Variants in MED13L observed in about 807,000 individuals in gnomAD.
The protein encoded by MED13L is mediator complex subunit 13L.
A neutral mutation model predicts 220.9 loss-of-function variants in MED13L; 7 were observed. The ratio of observed to expected loss-of-function variants is 0.03; its 90% CI spans 0.02 to 0.06. The LOEUF (loss-of-function observed/expected upper bound fraction) is 0.06. Among genes scored for constraint, MED13L ranks in the 10% least tolerant of loss-of-function variants. The pLI, the probability that MED13L is intolerant of heterozygous loss-of-function variation, is 1.00. For missense variants in MED13L, 1,965 were observed against 2,760.5 expected, an observed-to-expected ratio of 0.71 and a Z score of 6.46; for synonymous variants, 1,011 against 1,015.2, an observed-to-expected ratio of 1.00 and a Z score of 0.08.
rs150626023 is a variant in MED13L at position 116,054,859 on chromosome 12, T to C, written c.480-32258A>G. On this transcript the variant is annotated intron_variant, in intron 4 of 30. Coordinates refer to ENST00000281928, the MANE Select transcript of MED13L (RefSeq NM_015335.5). ...TTTCAATATTCCACTCCTAGGTATATACCCAATAGAAAATATGTGCCAGAA... is the reference window on the plus strand; with the variant it reads ...TTTCAATATTCCACTCCTAGGTATACACCCAATAGAAAATATGTGCCAGAA... 1.2e-4 allele frequency among the ~76,000 whole-genome samples: 18 copies of C among 152,312 alleles called. No homozygotes were observed. In the East Asian group the frequency reaches 2.7e-3, roughly 23 times the overall value.
intron 2 of MED13L, among the ~76,000 whole-genome samples, chr12:116,117,071 T>A (rs1874586281): frequency 6.6e-6 from 1 of 151,570 alleles, no homozygotes; most frequent in African/African-American, 2.4e-5. Flanking sequence ...CTCTCAACAG[T>A]GGGAAAAACA....
At chr12:116,143,134 T>C (rs755877201) in intron 2 of MED13L, among the ~76,000 whole-genome samples, 12 of 152,180 alleles carry the variant, frequency 7.9e-5, no homozygotes, top group South Asian at 2.1e-4. Context: ...ATTTGGTTTA[T>C]TTTCTTTACT....
At chr12:116,238,138 C>T (rs1174759664) in intron 1 of MED13L, among the ~76,000 whole-genome samples, 2 of 152,146 alleles carry the variant, frequency 1.3e-5, no homozygotes, top group Admixed American at 6.5e-5. Context: ...CCACAAGCCA[C>T]AGTTTAAGTC....
rs778974764 is a variant in MED13L, at chr12:116,019,842, T to C, written c.756A>G (p.Glu252=). ...FYPMVLKKKE[E]SKEEDELGYD... ...ATCCCAACTCGTCTTCCTCTTTCGA[T>C]TCTTCTTTCTTTTTTAGCACCATCG... The change falls in exon 6 of 31, where the codon GAA becomes GAG. Residue 252 remains glutamate (E), a synonymous_variant. Coordinates refer to ENST00000281928, the MANE Select transcript of MED13L (RefSeq NM_015335.5). 2.5e-6 allele frequency: 4 copies of C among 1,613,974 alleles called. No homozygotes were observed. The highest frequency in any genetic ancestry group is 3.4e-6 in the Non-Finnish European group (4 of 1,179,912).
At chr12:116,243,738 G>T (rs2138487786) in intron 1 of MED13L, among the ~76,000 whole-genome samples, 1 of 152,216 alleles carries the variant, frequency 6.6e-6, no homozygotes, top group South Asian at 2.1e-4. Flanking sequence ...CCATGGTGTA[G>T]TATCATGGAA....
At chr12:116,009,158 C>G in intron 9 of MED13L, 26 bp from the exon 10 acceptor site, 4 of 1,612,870 alleles carry the variant, frequency 2.5e-6, no homozygotes, top group Non-Finnish European at 3.4e-6. Flanking sequence ...ACAATTACAT[C>G]ATTATAACAT....
intron 3 of MED13L, among the ~76,000 whole-genome samples, chr12:116,106,052 A>C (rs1310770593): frequency 1.3e-5 from 2 of 152,196 alleles, no homozygotes; most frequent in Non-Finnish European, 2.9e-5. Context: ...TGAGTTGTGG[A>C]GGGAAGAGGA....
intron 1 of MED13L, among the ~76,000 whole-genome samples, chr12:116,276,203 G>C (rs1361623735): frequency 6.6e-6 from 1 of 152,064 alleles, no homozygotes; most frequent in African/African-American, 2.4e-5. Context: ...ATTAAGGCAG[G>C]CGATTCAAAT....
Position 116,124,920 on chromosome 12 carries a change from A to G in MED13L, c.311-13408T>C, listed in dbSNP as rs1196286684. ...AGTTGACAGGAAAAAAATATTTGTC[A>G]TAAATTGAAAGATCATAGTTAAACC... On this transcript the variant is annotated intron_variant, in intron 2 of 30. Transcript: ENST00000281928. Among the ~76,000 whole-genome samples, 7 of 152,344 alleles carry G rather than the reference A, an allele frequency of 4.6e-5. No individual in the cohort carries two copies. The East Asian group carries it at 1.3e-3, about 29-fold the overall frequency.
At chr12:116,029,642 A>T (rs1880607341) in intron 4 of MED13L, among the ~76,000 whole-genome samples, 1 of 152,220 alleles carries the variant, frequency 6.6e-6, no homozygotes, top group East Asian at 1.9e-4. Context: ...TTTAAAACTT[A>T]AGTTCATCAA....
intron 3 of MED13L, 53 bp downstream of exon 3, chr12:116,111,375 C>T: frequency 1.4e-6 from 2 of 1,404,890 alleles, no homozygotes; most frequent in Non-Finnish European, 2.0e-6. Flanking sequence ...CTCTCGGTAT[C>T]TAGCAATATA....
At chr12:115,976,514 G>A (rs980768039) in intron 23 of MED13L, among the ~76,000 whole-genome samples, 1 of 152,106 alleles carries the variant, frequency 6.6e-6, no homozygotes, top group African/African-American at 2.4e-5. Context: ...CCACAAGAGG[G>A]GCTCTGGATA....
Position 116,237,553 on chromosome 12 carries a change from A to T in MED13L, c.225T>A (p.Asp75Glu). ...ATAACTCTTTGCAATCTGGTTTGAC[A>T]TCACGACGCCATACACAAAGCAGGT... ...QANLLCVWRR[D>E]VKPDCKELWI... Residue 75 changes from aspartate to glutamate, a missense_variant, in exon 2 of 31, where the codon GAT (aspartate) becomes GAA (glutamate). Transcript: ENST00000281928. 1 of 1,614,212 alleles carries T rather than the reference A, an allele frequency of 6.2e-7. No individual in the cohort carries two copies. The highest frequency in any genetic ancestry group is 8.5e-7 in the Non-Finnish European group (1 of 1,180,026).
chr12:116,246,157 G>A (rs944310431), intron 1 of MED13L, among the ~76,000 whole-genome samples: 6 of 150,866 alleles, frequency 4.0e-5, no homozygotes, highest in Non-Finnish European at 8.8e-5. Flanking sequence ...GGCTATGCCA[G>A]CCTAAACTTT....
intron 3 of MED13L, among the ~76,000 whole-genome samples, chr12:116,104,360 A>G (rs568690720): frequency 1.1e-4 from 16 of 152,192 alleles, no homozygotes; most frequent in Admixed American, 3.3e-4. Flanking sequence ...TTACAATATC[A>G]CAACACATTG....
intron 8 of MED13L, 88 bp downstream of exon 8, chr12:116,015,021 C>T: frequency 3.0e-6 from 4 of 1,343,794 alleles, no homozygotes; most frequent in Non-Finnish European, 4.3e-6. Context: ...TTTGGTCACA[C>T]AATAGTGCAA....
At chr12:116,148,970 C>G (rs1186359989) in intron 2 of MED13L, among the ~76,000 whole-genome samples, 1 of 152,154 alleles carries the variant, frequency 6.6e-6, no homozygotes, top group Non-Finnish European at 1.5e-5. Context: ...TATAACTGTA[C>G]TATTTTTGTC....
Position 116,051,171 on chromosome 12 carries a change from A to T in MED13L, c.480-28570T>A, listed in dbSNP as rs370295505. 1.1e-4 allele frequency among the ~76,000 whole-genome samples: 16 copies of T among 152,278 alleles called. No homozygotes were observed. The South Asian group carries it at 3.3e-3, about 32-fold the overall frequency. On this transcript the variant is annotated intron_variant, in intron 4 of 30. Transcript: ENST00000281928. ...TTCCACAGCATTAAAATGTTAAAGA[A>T]TATTATATAGCATTTTAATAAAACA...
chr12:116,246,020 T>A (rs565459000), intron 1 of MED13L, among the ~76,000 whole-genome samples: 1 of 152,188 alleles, frequency 6.6e-6, no homozygotes, highest in East Asian at 1.9e-4. Context: ...AGTTTCCATA[T>A]AATAAAAAGA....
Sources: allele counts gnomAD v4.1 joint callset (sites outside exome capture counted in the v4.1 genomes callset), GRCh38; gene constraint gnomAD v4.1.1; transcripts MANE v1.5; gene names NCBI Gene and HGNC (gene_info 2026-07-23, HGNC 2026-07-21).